Variants in TNRC6C observed in about 807,000 individuals in gnomAD.
The protein encoded by TNRC6C is trinucleotide repeat-containing gene 6C protein.
A neutral mutation model predicts 153.7 loss-of-function variants in TNRC6C; 20 were observed. That is an observed-to-expected ratio of 0.13 (90% confidence interval 0.09 to 0.19). The LOEUF is 0.19. TNRC6C is among the 10% of genes least tolerant of loss of function. The pLI, the probability that TNRC6C is intolerant of heterozygous loss-of-function variation, is 1.00. For synonymous variants in TNRC6C, 811 were observed against 841.4 expected, an observed-to-expected ratio of 0.96 and a Z score of 0.63; for missense variants, 1,987 against 2,172.0, an observed-to-expected ratio of 0.91 and a Z score of 1.69.
At chr17:77,991,382 T>A (rs2071247344) in intron 1 of TNRC6C, among the ~76,000 whole-genome samples, 3 of 152,216 alleles carry the variant, frequency 2.0e-5, no homozygotes, top group African/African-American at 7.2e-5. Flanking sequence ...ACTAACCCCC[T>A]GAATGCGTTC....
At chr17:78,045,470 G>A (rs541339397) in intron 2 of TNRC6C, among the ~76,000 whole-genome samples, 14 of 152,250 alleles carry the variant, frequency 9.2e-5, no homozygotes, top group Admixed American at 8.5e-4. Flanking sequence ...CTCAAAGCCC[G>A]GGAAGGTCTG....
At position 78,095,574 on chromosome 17, in the gene TNRC6C, A is replaced by G. The variant is rs1205301216; in HGVS notation, c.4306+1811A>G. ...TTGTACACAGACATCAGTATTCAGC[A>G]GTAGCCAGTTCATGTGGCTCATGCC... is the stretch of plus-strand genomic sequence containing the variant. On this transcript the variant is annotated intron_variant, in intron 16 of 19. Transcript: ENST00000301624. Among the ~76,000 whole-genome samples, 4 of 152,350 alleles carry G rather than the reference A, an allele frequency of 2.6e-5. No homozygotes were observed. The South Asian group carries it at 8.3e-4, about 32-fold the overall frequency.
intron 8 of TNRC6C, 165 bp from the exon 11 acceptor site, chr17:78,077,020 T>G: frequency 2.8e-6 from 2 of 725,590 alleles, no homozygotes; most frequent in Non-Finnish European, 4.3e-6. Flanking sequence ...TTCTTTTTCT[T>G]TTTCCCCTCT....
intron 2 of TNRC6C, among the ~76,000 whole-genome samples, chr17:78,042,565 A>AT (rs67678607): frequency 0.013 from 1,856 of 145,216 alleles, 13 homozygotes; most frequent in South Asian, 0.02. Context: ...CATTTCACAG[A>AT]TTTTTTTTTT....
At chr17:78,010,174 C>T (rs1041163493) in intron 1 of TNRC6C, among the ~76,000 whole-genome samples, 4 of 152,212 alleles carry the variant, frequency 2.6e-5, no homozygotes, top group Non-Finnish European at 5.9e-5. Context: ...CAGCTCAGCC[C>T]AAATTCGTAC....
In TNRC6C at chr17:78,018,138, G is replaced by T. The variant is rs571718266; in HGVS notation, c.-546+13059G>T. 2.1e-3 allele frequency among the ~76,000 whole-genome samples: 318 copies of T among 151,896 alleles called. 1 individual carries two copies. The highest frequency in any genetic ancestry group is 4.1e-3 in the Non-Finnish European group (276 of 67,904). On this transcript the variant is annotated intron_variant, in intron 1 of 19. Transcript: ENST00000301624. ...TTTTGGTTTTTGTTTTGTTTTTTTG[G>T]TTTTTTTGAGATGGAGTCTTGCTCT...
At chr17:78,050,464 T>A in exon 3 of TNRC6C, 1 of 1,613,928 alleles carries the variant, frequency 6.2e-7, no homozygotes, top group Non-Finnish European at 8.5e-7. Context: ...ATCCCCTAGG[T>A]CTGAAAGGAA....
intron 1 of TNRC6C, among the ~76,000 whole-genome samples, chr17:78,015,991 C>T (rs1236017282): frequency 6.6e-6 from 1 of 152,156 alleles, no homozygotes; most frequent in African/African-American, 2.4e-5. Context: ...ATAGAAACTA[C>T]TCTAGCTGTT....
chr17:78,087,011 G>T, exon 13 of TNRC6C: 2 of 1,613,554 alleles, frequency 1.2e-6, no homozygotes, highest in Non-Finnish European at 1.7e-6. Flanking sequence ...GCTTCCCCTC[G>T]CACCCACAGA....
intron 2 of TNRC6C, among the ~76,000 whole-genome samples, chr17:78,043,048 A>G (rs1415319285): frequency 6.6e-6 from 1 of 152,232 alleles, no homozygotes; most frequent in Non-Finnish European, 1.5e-5. Flanking sequence ...TTGAATTTTC[A>G]GTAAAATTAA....
At chr17:78,107,894 A>G (rs1249021955) in exon 20 of TNRC6C, 3 of 152,198 alleles carry the variant, frequency 2.0e-5, no homozygotes, top group East Asian at 1.9e-4. Flanking sequence ...TTTCCTAGAC[A>G]TTTTATGCAT....
At position 78,023,006 on chromosome 17, in the gene TNRC6C, C is replaced by T. The variant is rs1415121706; in HGVS notation, c.-545-8510C>T. Among the ~76,000 whole-genome samples, 5 of 151,980 alleles carry T rather than the reference C, an allele frequency of 3.3e-5. 1 individual carries two copies. In the South Asian group the frequency reaches 6.2e-4, roughly 19 times the overall value. On this transcript the variant is annotated intron_variant, in intron 1 of 19. Coordinates refer to ENST00000301624, the Ensembl canonical transcript of TNRC6C. ...GAGATTATTTAAATATATAGGAGAG[C>T]TGGGCATGGTGGTATGCACCTATTG...
intron 2 of TNRC6C, among the ~76,000 whole-genome samples, chr17:78,047,616 A>G (rs2072437483): frequency 6.6e-6 from 1 of 152,262 alleles, no homozygotes; most frequent in Admixed American, 6.5e-5. Flanking sequence ...TGGGAAATTC[A>G]TGTTTTAATT....
exon 14 of TNRC6C, chr17:78,091,484 G>T (rs117323783): frequency 6.2e-7 from 1 of 1,607,484 alleles, no homozygotes; most frequent in Non-Finnish European, 8.5e-7. Context: ...GGACATGACC[G>T]GTGGCTTGTC....
chr17:78,108,231 C>G (rs2073740172), exon 20 of TNRC6C: 1 of 153,128 alleles, frequency 6.5e-6, no homozygotes, highest in Non-Finnish European at 1.5e-5. Flanking sequence ...AGATGGGACC[C>G]GCACCCCCGC....
intron 1 of TNRC6C, among the ~76,000 whole-genome samples, chr17:77,963,088 A>G (rs1255860528): frequency 6.6e-6 from 1 of 152,240 alleles, no homozygotes; most frequent in East Asian, 1.9e-4. Context: ...CATTCTTTAT[A>G]AAATGATATA....
exon 3 of TNRC6C, chr17:78,050,296 G>A (rs768142013): frequency 2.1e-5 from 33 of 1,559,286 alleles, no homozygotes; most frequent in Non-Finnish European, 2.8e-5. Flanking sequence ...AGGAAGCACT[G>A]GGAGGGAAGG....
intron 1 of TNRC6C, among the ~76,000 whole-genome samples, chr17:77,975,153 A>G (rs1031981201): frequency 6.6e-6 from 1 of 152,190 alleles, no homozygotes; most frequent in Non-Finnish European, 1.5e-5. Flanking sequence ...GCTGGTGGCC[A>G]TGAAAACAGG....
intron 1 of TNRC6C, among the ~76,000 whole-genome samples, chr17:78,030,718 C>T (rs1199386553): frequency 6.6e-6 from 1 of 152,138 alleles, no homozygotes. Context: ...AAGATTCCTT[C>T]GTTTTATAAA....
Sources: gnomAD v4.1 joint callset for allele counts (sites outside exome capture counted in the v4.1 genomes callset) on GRCh38, gnomAD v4.1.1 for gene constraint, MANE v1.5 for transcripts, NCBI Gene and HGNC (gene_info 2026-07-23, HGNC 2026-07-21) for gene names.